The following SCRN3 variants were observed in gnomAD, a reference collection of about 807,000 sequenced individuals.
The protein encoded by SCRN3 is secernin-3.
A neutral mutation model predicts 43.1 loss-of-function variants in SCRN3; 39 were observed. The observed-to-expected ratio is 0.91, with a 90% CI of 0.70 to 1.18. The LOEUF (loss-of-function observed/expected upper bound fraction) is 1.18, where lower values mean the gene tolerates loss of function less well. SCRN3 is among the 50% of genes most tolerant of loss of function. The pLI is 0.00. For missense variants in SCRN3, 484 were observed against 498.0 expected, an observed-to-expected ratio of 0.97 and a Z score of 0.27; for synonymous variants, 147 against 163.1, an observed-to-expected ratio of 0.90 and a Z score of 0.75.
intron 5 of SCRN3, among the ~76,000 whole-genome samples, chr2:174,413,946 A>C (rs1289892499): frequency 1.3e-5 from 2 of 151,960 alleles, no homozygotes; most frequent in Admixed American, 6.6e-5. Flanking sequence ...GGCCAGAAAG[A>C]CCAAAGTTTT....
At position 174,410,776 on chromosome 2, in the gene SCRN3, C is replaced by T. The variant is rs180978802; in HGVS notation, c.754+6461C>T. On this transcript the variant is annotated intron_variant, in intron 5 of 7. Coordinates refer to ENST00000272732, the MANE Select transcript of SCRN3 (RefSeq NM_024583.5). ...CAAACTGAGCAGATATAGGAATTCC[C>T]TCTTTCCACTCCAAAACTTGAGAAA... Among the ~76,000 whole-genome samples, 75 of 152,218 alleles carry T rather than the reference C, an allele frequency of 4.9e-4. 1 individual carries two copies. The highest frequency in any genetic ancestry group is 4.6e-3 in the Admixed American group (70 of 15,292).
At chr2:174,397,194 C>A in intron 1 of SCRN3, 1 of 976,856 alleles carries the variant, frequency 1.0e-6, no homozygotes, top group East Asian at 1.1e-4. Context: ...TAGTCATTTT[C>A]TTTTCTTTTT....
rs1685291513 is a variant in SCRN3, at chr2:174,395,973, C to T, written c.-10+156C>T. 5.8e-6 allele frequency: 8 copies of T among 1,383,032 alleles called. No individual in the cohort carries two copies. The South Asian group carries it at 8.8e-5, about 15-fold the overall frequency. 85.7% of individuals were successfully genotyped at this position (1,383,032 alleles called of 1,614,324 possible). A position where few individuals can be genotyped will look rare whatever the true frequency, so the allele number is the denominator to read the frequency against. ...GGCCGGGGTGCGGGGTGGACCGCGG[C>T]GGCCCTTCGACCAAAGGTGCTTGAA... On this transcript the variant is annotated intron_variant, in intron 1 of 7. Transcript: ENST00000272732.
At position 174,424,568 on chromosome 2, in the gene SCRN3, G is replaced by A; in HGVS notation, c.1011G>A (p.Lys337=). Residue 337 remains lysine (K), a synonymous_variant, in exon 7 of 8, where the codon AAG becomes AAA. Coordinates refer to ENST00000272732, the MANE Select transcript of SCRN3 (RefSeq NM_024583.5). ...TTGAACTTGAAGATCTAGTTAAAAA[G>A]AAATCACATTTTAAGCCTGACAGAA... The part of the protein sequence containing the change: ...PTFELEDLVK[K]KSHFKPDRRH... The A allele has an allele frequency of 6.2e-7, 1 of 1,613,446 alleles. No individual in the cohort carries two copies. The highest frequency in any genetic ancestry group is 2.2e-5 in the East Asian group (1 of 44,770).
chr2:174,406,303 G>T (rs1183357727), intron 5 of SCRN3, among the ~76,000 whole-genome samples: 3 of 140,888 alleles, frequency 2.1e-5, no homozygotes, highest in Admixed American at 1.4e-4. Flanking sequence ...TGTGCACATT[G>T]ATTTTGTATC....
At position 174,427,864 on chromosome 2, in the gene SCRN3, A is replaced by C. The variant is rs1230624409; in HGVS notation, c.1244A>C (p.Gln415Pro). The change falls in exon 8 of 8, where the codon CAG becomes CCG. Residue 415 changes from glutamine (Q) to proline (P), a missense_variant. By Grantham distance (76) the Gln-to-Pro change is moderately conservative (BLOSUM62 -1). Coordinates refer to ENST00000272732, the MANE Select transcript of SCRN3 (RefSeq NM_024583.5). The part of the protein sequence containing the change: ...QCTKDEIQIY[Q>P]SNLSVKVSS Reference sequence around the variant, plus strand: ...ACAAAAGATGAAATTCAAATTTATCAGTCAAATTTATCAGTCAAAGTTAGT... The same window carrying C: ...ACAAAAGATGAAATTCAAATTTATCCGTCAAATTTATCAGTCAAAGTTAGT... 9 of 805,940 alleles carry C rather than the reference A, an allele frequency of 1.1e-5. 1 individual carries two copies. The highest frequency in any genetic ancestry group is 3.7e-5 in the East Asian group (1 of 26,756). The allele number at this position is 805,940 out of a possible 1,614,324, so 49.9% of individuals were successfully genotyped here.
At chr2:174,423,323 T>G (rs1424411250) in intron 6 of SCRN3, among the ~76,000 whole-genome samples, 1 of 152,198 alleles carries the variant, frequency 6.6e-6, no homozygotes, top group Non-Finnish European at 1.5e-5. Context: ...GTAGATAGAT[T>G]TTCTTACTCA....
rs1266521861 is a variant in SCRN3 at position 174,427,706 on chromosome 2, T to A, written c.1093-7T>A. 6.4e-7 allele frequency: 1 copy of A among 1,567,568 alleles called. No homozygotes were observed. The highest frequency in any genetic ancestry group is 2.3e-5 in the East Asian group (1 of 44,290). On this transcript the variant is annotated splice_region_variant and splice_polypyrimidine_tract_variant and intron_variant, in intron 7 of 7. Transcript: ENST00000272732. ...ATGTGTTTATCTTTATATTTTTAAT[T>A]GTTTAGGAAAAAGCCAAAATAATGT...
chr2:174,423,790 T>C (rs1352876433), intron 6 of SCRN3, among the ~76,000 whole-genome samples: 14 of 145,556 alleles, frequency 9.6e-5, no homozygotes, highest in South Asian at 6.7e-4. Context: ...TTTTTTTTTT[T>C]TTTTTTTTTT....
intron 5 of SCRN3, among the ~76,000 whole-genome samples, chr2:174,413,382 C>A (rs912670340): frequency 1.3e-5 from 2 of 152,066 alleles, no homozygotes; most frequent in African/African-American, 2.4e-5. Context: ...ACTCAGCCTG[C>A]AAATTCTGTC....
intron 7 of SCRN3, 149 bp downstream of exon 7, chr2:174,424,798 T>C: frequency 1.8e-6 from 1 of 559,760 alleles, no homozygotes; most frequent in East Asian, 3.0e-5. Flanking sequence ...AGAGCTGTAT[T>C]ATTTTTATCT....
In SCRN3 at chr2:174,400,971, C is replaced by T. The variant is rs553051053; in HGVS notation, c.342-19C>T. ...ATGGAAATTTATTTTAATATGAGAA[C>T]TTTATATTTTTGTTTTAGACTTGGC... is the stretch of plus-strand genomic sequence containing the variant. On this transcript the variant is annotated intron_variant, in intron 3 of 7. Transcript: ENST00000272732. The T allele has an allele frequency of 3.2e-6, 5 of 1,552,302 alleles. No homozygotes were observed. In the Admixed American group the frequency reaches 9.3e-5, roughly 29 times the overall value.
intron 5 of SCRN3, chr2:174,410,419 C>G (rs1685876278): frequency 6.5e-6 from 1 of 154,062 alleles, no homozygotes; most frequent in Non-Finnish European, 1.4e-5. Context: ...CACCCCTCTT[C>G]TGCGTCGCTC....
Position 174,398,276 on chromosome 2 carries a change from T to C in SCRN3, c.-8T>C. 2.6e-6 allele frequency: 4 copies of C among 1,541,482 alleles called. No individual in the cohort carries two copies. Among genetic ancestry groups the C allele is most frequent in the Non-Finnish European group, 3.5e-6 (4 of 1,146,086 alleles). On this transcript the variant is annotated splice_region_variant and 5_prime_UTR_variant, in exon 2 of 8. Transcript: ENST00000272732. Reference sequence around the variant, plus strand: ...TTAAAACATCTGTATAATTTTTAGTTAAAAAAAATGGAACCTTTTTCCTGT... The same window carrying C: ...TTAAAACATCTGTATAATTTTTAGTCAAAAAAAATGGAACCTTTTTCCTGT...
intron 5 of SCRN3, among the ~76,000 whole-genome samples, chr2:174,421,991 TAATA>T (rs1326365848): frequency 3.3e-5 from 5 of 151,756 alleles, no homozygotes; most frequent in Middle Eastern, 3.2e-3. Context: ...AGAACTGGAG[TAATA>T]AATAATTGAT....
intron 2 of SCRN3, among the ~76,000 whole-genome samples, chr2:174,399,511 A>G (rs1685431262): frequency 6.6e-6 from 1 of 152,200 alleles, no homozygotes; most frequent in African/African-American, 2.4e-5. Context: ...ATCTACAAAA[A>G]TGTTTCAAGA....
chr2:174,415,271 A>G (rs887008123), intron 5 of SCRN3, among the ~76,000 whole-genome samples: 1 of 152,170 alleles, frequency 6.6e-6, no homozygotes, highest in Non-Finnish European at 1.5e-5. Context: ...TTCAACCTTT[A>G]TAAATTTTGT....
At chr2:174,423,842 G>A (rs1017618185) in intron 6 of SCRN3, among the ~76,000 whole-genome samples, 2 of 146,274 alleles carry the variant, frequency 1.4e-5, no homozygotes, top group Admixed American at 1.4e-4. Flanking sequence ...CTAGAATGGA[G>A]TGCAGTGGCA....
At chr2:174,417,971 G>C (rs969970270) in intron 5 of SCRN3, among the ~76,000 whole-genome samples, 3 of 152,028 alleles carry the variant, frequency 2.0e-5, no homozygotes, top group Non-Finnish European at 4.4e-5. Context: ...TAAACTTAAA[G>C]GCTCAGGAAA....
Sources: allele counts gnomAD v4.1 joint callset (sites outside exome capture counted in the v4.1 genomes callset), GRCh38; gene constraint gnomAD v4.1.1; transcripts MANE v1.5; gene names NCBI Gene and HGNC (gene_info 2026-07-23, HGNC 2026-07-21).